Variants in XIRP2 observed in about 807,000 individuals in gnomAD.
XIRP2 encodes xin actin-binding repeat-containing protein 2.
Under a neutral mutation model 277.0 loss-of-function variants are expected in XIRP2, and 236 were observed. The ratio of observed to expected loss-of-function variants is 0.85; its 90% CI spans 0.77 to 0.95. XIRP2 has a LOEUF of 0.95. Ranked by LOEUF, XIRP2 falls within the 40% of genes least tolerant of loss-of-function variation. The pLI is 0.00. For missense variants in XIRP2, 4,640 were observed against 4,157.5 expected, an observed-to-expected ratio of 1.12 and a Z score of -3.19; for synonymous variants, 1,490 against 1,416.5, an observed-to-expected ratio of 1.05 and a Z score of -1.17.
intron 2 of XIRP2, among the ~76,000 whole-genome samples, chr2:166,998,962 G>T (rs982561574): frequency 6.6e-6 from 1 of 151,980 alleles, no homozygotes; most frequent in African/African-American, 2.4e-5. Context: ...AAATATTAAG[G>T]TAATTAAATC....
chr2:167,199,779 G>A (rs1258066508), intron 3 of XIRP2, among the ~76,000 whole-genome samples: 1 of 152,156 alleles, frequency 6.6e-6, no homozygotes, highest in Non-Finnish European at 1.5e-5. Context: ...CAACCAGAAA[G>A]AAGATGACAT....
chr2:166,941,999 C>T (rs957417737), intron 2 of XIRP2, among the ~76,000 whole-genome samples: 1 of 152,210 alleles, frequency 6.6e-6, no homozygotes, highest in Non-Finnish European at 1.5e-5. Context: ...TCTAACCTCT[C>T]AAGTTCCTTC....
At chr2:167,025,479 T>C (rs1382314557) in intron 2 of XIRP2, among the ~76,000 whole-genome samples, 1 of 152,090 alleles carries the variant, frequency 6.6e-6, no homozygotes, top group East Asian at 1.9e-4. Context: ...ATTTTAGTTA[T>C]TTCTTGCCTT....
At chr2:167,105,231 C>A (rs1420848955) in intron 2 of XIRP2, among the ~76,000 whole-genome samples, 1 of 151,898 alleles carries the variant, frequency 6.6e-6, no homozygotes, top group East Asian at 1.9e-4. Context: ...CCCCAGTATT[C>A]GCATTGATAC....
At chr2:167,034,129 AG>A (rs1365528901) in intron 2 of XIRP2, among the ~76,000 whole-genome samples, 2 of 152,192 alleles carry the variant, frequency 1.3e-5, no homozygotes, top group African/African-American at 4.8e-5. Flanking sequence ...AAAGTTAAAA[AG>A]AATGGGGATG....
At chr2:166,974,516 T>A (rs183319771) in intron 2 of XIRP2, among the ~76,000 whole-genome samples, 1 of 152,140 alleles carries the variant, frequency 6.6e-6, no homozygotes, top group Admixed American at 6.5e-5. Flanking sequence ...TACATATATA[T>A]ATCTGATATA....
chr2:167,079,151 G>A (rs1689660990), intron 2 of XIRP2, among the ~76,000 whole-genome samples: 1 of 152,108 alleles, frequency 6.6e-6, no homozygotes, highest in African/African-American at 2.4e-5. Flanking sequence ...TTTTTGTGAT[G>A]AATCACACGT....
chr2:167,153,384 G>T (rs528649062), intron 3 of XIRP2, among the ~76,000 whole-genome samples: 2 of 150,402 alleles, frequency 1.3e-5, no homozygotes, highest in South Asian at 2.1e-4. Context: ...TTAAGTTTCT[G>T]AACTCAAAAT....
chr2:167,056,744 T>C (rs560814483), intron 2 of XIRP2, among the ~76,000 whole-genome samples: 36 of 152,106 alleles, frequency 2.4e-4, no homozygotes, highest in Non-Finnish European at 4.6e-4. Context: ...GTATGATGAG[T>C]CATTTTTTGT....
intron 2 of XIRP2, among the ~76,000 whole-genome samples, chr2:167,024,663 C>T (rs189023797): frequency 6.6e-5 from 10 of 151,978 alleles, no homozygotes; most frequent in South Asian, 2.1e-4. Flanking sequence ...TTTAGCATGA[C>T]GTGTTGTTGA....
intron 2 of XIRP2, among the ~76,000 whole-genome samples, chr2:166,987,641 G>C (rs1353688540): frequency 1.3e-5 from 2 of 152,110 alleles, no homozygotes; most frequent in African/African-American, 4.8e-5. Context: ...GTAGCATCCA[G>C]ATCTTGTTCT....
intron 3 of XIRP2, among the ~76,000 whole-genome samples, chr2:167,145,906 A>G (rs1208256862): frequency 6.6e-6 from 1 of 152,182 alleles, no homozygotes; most frequent in Non-Finnish European, 1.5e-5. Context: ...AAATTTACAA[A>G]CACACAGGAA....
chr2:167,109,092 T>C (rs1243294206), intron 2 of XIRP2, among the ~76,000 whole-genome samples: 1 of 152,070 alleles, frequency 6.6e-6, no homozygotes, highest in Non-Finnish European at 1.5e-5. Flanking sequence ...TCATTGTTTA[T>C]TACTCACTTA....
chr2:167,194,141 G>A (rs1488563536), intron 3 of XIRP2, among the ~76,000 whole-genome samples: 1 of 151,632 alleles, frequency 6.6e-6, no homozygotes, highest in Non-Finnish European at 1.5e-5. Flanking sequence ...GAGTGCAATG[G>A]TATGATCTCG....
At chr2:166,897,834 G>A (rs1684282171) in intron 1 of XIRP2, among the ~76,000 whole-genome samples, 1 of 152,086 alleles carries the variant, frequency 6.6e-6, no homozygotes. Context: ...GCCATGCAGT[G>A]GGGGTTGGAA....
At chr2:167,053,932 G>A (rs1197931116) in intron 2 of XIRP2, among the ~76,000 whole-genome samples, 1 of 152,138 alleles carries the variant, frequency 6.6e-6, no homozygotes, top group Non-Finnish European at 1.5e-5. Context: ...ATTTTGAAGA[G>A]TTCCCTGAAA....
At chr2:167,033,522 G>A (rs1452951567) in intron 2 of XIRP2, among the ~76,000 whole-genome samples, 1 of 151,984 alleles carries the variant, frequency 6.6e-6, no homozygotes, top group Non-Finnish European at 1.5e-5. Flanking sequence ...GTACAAGAAG[G>A]TTATAGAACA....
At chr2:167,039,307 T>C (rs1210680263) in intron 2 of XIRP2, among the ~76,000 whole-genome samples, 1 of 152,236 alleles carries the variant, frequency 6.6e-6, no homozygotes, top group African/African-American at 2.4e-5. Flanking sequence ...TTTATTAATC[T>C]ATTCATTTAT....
chr2:167,089,196 A>G (rs1349750522), intron 2 of XIRP2, among the ~76,000 whole-genome samples: 2 of 152,162 alleles, frequency 1.3e-5, no homozygotes, highest in Admixed American at 6.5e-5. Flanking sequence ...AGAGAGGACA[A>G]TGTCCAGAGG....
Sources: allele counts gnomAD v4.1 joint callset (sites outside exome capture counted in the v4.1 genomes callset), GRCh38; gene constraint gnomAD v4.1.1; transcripts MANE v1.5; gene names NCBI Gene and HGNC (gene_info 2026-07-23, HGNC 2026-07-21).